LGMN: variants seen among roughly 807,000 people sequenced by gnomAD.
LGMN encodes legumain, also known as asparaginyl endopeptidase.
Under a neutral mutation model 56.8 loss-of-function variants are expected in LGMN, and 36 were observed. That is an observed-to-expected ratio of 0.63 (90% confidence interval 0.49 to 0.84). LGMN has a LOEUF of 0.84. Ranked by LOEUF, LGMN falls within the 40% of genes least tolerant of loss-of-function variation. The pLI, the probability that LGMN is intolerant of heterozygous loss-of-function variation, is 0.00. For missense variants in LGMN, 446 were observed against 556.1 expected, an observed-to-expected ratio of 0.80 and a Z score of 1.99; for synonymous variants, 199 against 210.1, an observed-to-expected ratio of 0.95 and a Z score of 0.46.
At position 92,732,827 on chromosome 14, in the gene LGMN, A is replaced by G; in HGVS notation, c.-29-12T>C. 6.2e-7 allele frequency: 1 copy of G among 1,604,318 alleles called. No homozygotes were observed. On this transcript the variant is annotated splice_polypyrimidine_tract_variant and intron_variant, in intron 1 of 13. Coordinates refer to ENST00000334869, the MANE Select transcript of LGMN (RefSeq NM_005606.7). ...TCAATTGCAGACACCTGAGAAGGGAAACACAGAGTCAAGTACAAAGCAACA... is the reference window on the plus strand; with the variant it reads ...TCAATTGCAGACACCTGAGAAGGGAGACACAGAGTCAAGTACAAAGCAACA...
intron 12 of LGMN, 93 bp from the exon 13 acceptor site, chr14:92,704,800 A>G: frequency 4.1e-6 from 4 of 982,712 alleles, no homozygotes; most frequent in Non-Finnish European, 4.9e-6. Flanking sequence ...CATCTTGACC[A>G]GTGGCTCTTG....
At chr14:92,731,686 C>T (rs1303484589) in intron 2 of LGMN, among the ~76,000 whole-genome samples, 1 of 152,204 alleles carries the variant, frequency 6.6e-6, no homozygotes, top group Non-Finnish European at 1.5e-5. Flanking sequence ...TTGTGTTTCT[C>T]CATTCAACCT....
intron 1 of LGMN, among the ~76,000 whole-genome samples, chr14:92,740,819 C>T (rs1004331554): frequency 1.3e-5 from 2 of 152,234 alleles, no homozygotes; most frequent in African/African-American, 4.8e-5. Context: ...AATGACAAGT[C>T]CTCTGCTGTT....
At chr14:92,711,313 G>A (rs1002926960) in intron 10 of LGMN, among the ~76,000 whole-genome samples, 3 of 152,240 alleles carry the variant, frequency 2.0e-5, no homozygotes, top group African/African-American at 7.2e-5. Flanking sequence ...TTTTGAGTCA[G>A]TGATCCCTTG....
chr14:92,719,259 C>T (rs1174672914), intron 2 of LGMN, among the ~76,000 whole-genome samples: 1 of 30,152 alleles, frequency 3.3e-5, no homozygotes, highest in East Asian at 8.6e-4. Context: ...CCACCACCAC[C>T]GCCACCGCCG....
At chr14:92,726,309 C>G (rs1890736688) in intron 2 of LGMN, among the ~76,000 whole-genome samples, 1 of 152,166 alleles carries the variant, frequency 6.6e-6, no homozygotes, top group African/African-American at 2.4e-5. Context: ...CCACCACCTC[C>G]TTCCTGCACT....
chr14:92,746,952 C>T (rs898185795), intron 1 of LGMN, among the ~76,000 whole-genome samples: 7 of 147,012 alleles, frequency 4.8e-5, no homozygotes, highest in African/African-American at 1.8e-4. Flanking sequence ...AGGAGAATGG[C>T]GTGGACCTGG....
rs1230011633 is a variant in LGMN at position 92,714,208 on chromosome 14, T to A, written c.480+168A>T. On this transcript the variant is annotated intron_variant, in intron 6 of 13. Transcript: ENST00000334869. This position sits in a 1 kb window ranked among gnomAD's most constrained non-coding sequence, Gnocchi z 5.1. ...CAGGGAAAACTGTCTGGAAGAGATG[T>A]CCTTGGATAGATTTCAAGCTGCTAA... 6.6e-6 allele frequency among the ~76,000 whole-genome samples: 1 copy of A among 152,116 alleles called. No individual in the cohort carries two copies. Among genetic ancestry groups the A allele is most frequent in the Non-Finnish European group, 1.5e-5 (1 of 68,014 alleles).
chr14:92,719,193 C>T (rs1244785047), intron 2 of LGMN, among the ~76,000 whole-genome samples: 76 of 142,674 alleles, frequency 5.3e-4, no homozygotes, highest in African/African-American at 1.8e-3. Flanking sequence ...TCACCACCAC[C>T]GCCACCAACA....
At chr14:92,736,878 C>T (rs1595562309) in intron 1 of LGMN, among the ~76,000 whole-genome samples, 1 of 152,170 alleles carries the variant, frequency 6.6e-6, no homozygotes, top group Non-Finnish European at 1.5e-5. Flanking sequence ...ATTATACAAA[C>T]TTGTGAAGAA....
chr14:92,747,035 C>CAAAAAA (rs35615315), intron 1 of LGMN, among the ~76,000 whole-genome samples: 7 of 78,958 alleles, frequency 8.9e-5, no homozygotes, highest in African/African-American at 3.0e-4. Context: ...GACTCCGTCT[C>CAAAAAA]AAAAAAAAAA....
chr14:92,744,988 G>C (rs1475794813), intron 1 of LGMN, among the ~76,000 whole-genome samples: 1 of 152,068 alleles, frequency 6.6e-6, no homozygotes, highest in Non-Finnish European at 1.5e-5. Flanking sequence ...TTAGAACTTA[G>C]GTTTCTAGGA....
intron 2 of LGMN, among the ~76,000 whole-genome samples, chr14:92,723,763 G>T (rs1426019111): frequency 3.3e-5 from 5 of 151,680 alleles, no homozygotes; most frequent in African/African-American, 1.2e-4. Flanking sequence ...AGTCAGTCTT[G>T]CTCTGTTGCC....
In LGMN at chr14:92,706,536, G is replaced by A; in HGVS notation, c.1138C>T (p.Pro380Ser). ...GTCCGGAAGTGCAGCAGGGCCTCTG[G>A]GTAGCAGCTGTGCCCCGTGAGCGGG... ...RAPLTGHSCY[P>S]EALLHFRTHC... The change falls in exon 12 of 14, where the codon CCA (proline) becomes TCA (serine). Residue 380 changes from proline (P) to serine (S), a missense_variant. Physicochemically the swap from Pro to Ser is moderately conservative, Grantham distance 74. Coordinates refer to ENST00000334869, the MANE Select transcript of LGMN (RefSeq NM_005606.7). 5 of 1,597,386 alleles carry A rather than the reference G, an allele frequency of 3.1e-6. No homozygotes were observed. The highest frequency in any genetic ancestry group is 4.3e-6 in the Non-Finnish European group (5 of 1,166,888).
At chr14:92,742,131 C>G (rs1412235169) in intron 1 of LGMN, among the ~76,000 whole-genome samples, 1 of 151,360 alleles carries the variant, frequency 6.6e-6, no homozygotes, top group East Asian at 1.9e-4. Flanking sequence ...CCTTAGTATA[C>G]TGAATATTTT....
intron 1 of LGMN, among the ~76,000 whole-genome samples, chr14:92,734,802 G>A (rs569632103): frequency 1.3e-5 from 2 of 152,178 alleles, no homozygotes; most frequent in Non-Finnish European, 2.9e-5. Context: ...GAGATGTGGG[G>A]ACTCAGGGCG....
rs1803450 is a variant in LGMN at position 92,709,799 on chromosome 14, G to A, written c.893C>T (p.Pro298Leu). The A allele has an allele frequency of 1.9e-6, 3 of 1,613,912 alleles. No homozygotes were observed. The African/African-American group carries it at 4.0e-5, about 22-fold the overall frequency. ...RKASSPVPLP[P>L]VTHLDLTPSP... ...GGGGGTGAGGTCAAGGTGTGTGACT[G>A]GAGGTAGGGGGACGGGAGAACTGGC... Residue 298 changes from proline to leucine, a missense_variant, in exon 11 of 14, where the codon CCA (proline) becomes CTA (leucine). Coordinates refer to ENST00000334869, the MANE Select transcript of LGMN (RefSeq NM_005606.7).
rs142265025 is a variant in LGMN at position 92,724,739 on chromosome 14, G to A, written c.139-5895C>T. Among the ~76,000 whole-genome samples the A allele has an allele frequency of 3.8e-3, 580 of 152,290 alleles. 17 individuals carry two copies. The highest frequency in any genetic ancestry group is 0.033 in the Admixed American group (510 of 15,304). ...TCCGCTGGTCTTCCTAATGCCTCCCGTGATTTGCCGATAGGGCAACTGTCC... is the reference window on the plus strand; with the variant it reads ...TCCGCTGGTCTTCCTAATGCCTCCCATGATTTGCCGATAGGGCAACTGTCC... On this transcript the variant is annotated intron_variant, in intron 2 of 13. Coordinates refer to ENST00000334869, the MANE Select transcript of LGMN (RefSeq NM_005606.7).
chr14:92,730,746 C>A (rs1214805632), intron 2 of LGMN, among the ~76,000 whole-genome samples: 1 of 151,974 alleles, frequency 6.6e-6, no homozygotes, highest in Non-Finnish European at 1.5e-5. Flanking sequence ...GGAGTTAAGA[C>A]CAGCCTGGCC....
Sources: allele counts gnomAD v4.1 joint callset (sites outside exome capture counted in the v4.1 genomes callset), GRCh38; gene constraint gnomAD v4.1.1; non-coding constraint Gnocchi (gnomAD v3.1); transcripts MANE v1.5; gene names NCBI Gene and HGNC (gene_info 2026-07-23, HGNC 2026-07-21).